The following PTAFR variants were observed in gnomAD, a reference collection of about 807,000 sequenced individuals.
PTAFR encodes the protein platelet activating factor receptor, also known as platelet-activating factor receptor.
A neutral mutation model predicts 14.7 loss-of-function variants in PTAFR; 8 were observed. The ratio of observed to expected loss-of-function variants is 0.54; its 90% CI spans 0.32 to 0.98. The LOEUF is 0.98. PTAFR is among the 50% of genes least tolerant of loss of function. The pLI is 0.04. For missense variants in PTAFR, 337 were observed against 451.2 expected (o/e 0.75, Z 2.29); for synonymous variants, 156 against 176.5 (o/e 0.88, Z 0.92).
intron 1 of PTAFR, among the ~76,000 whole-genome samples, chr1:28,173,818 C>T (rs533286944): frequency 1.3e-5 from 2 of 152,174 alleles, no homozygotes; most frequent in East Asian, 3.9e-4. Context: ...CCTCCCCCTG[C>T]ATATTCTGTC....
rs928602946 is a variant in PTAFR, at chr1:28,150,051, G to A, written c.971C>T (p.Thr324Met). ...SRKCSRATTDTVTEVVVPFNQ... is the reference protein window; with the variant it reads ...SRKCSRATTDMVTEVVVPFNQ... ...GAATGGCACAACCACTTCAGTGACC[G>A]TATCCGTGGTGGCCCGGGAGCATTT... Residue 324 changes from threonine (T) to methionine (M), a missense_variant, in exon 2 of 2, where the codon ACG becomes ATG. Physicochemically the swap from Thr to Met is moderately conservative, Grantham distance 81. Coordinates refer to ENST00000373857, the MANE Select transcript of PTAFR (RefSeq NM_000952.5). The surrounding 1 kb of genome is among the most constrained non-coding windows in gnomAD (Gnocchi z 6.3). 1.3e-5 allele frequency: 21 copies of A among 1,614,068 alleles called. No homozygotes were observed. The highest frequency in any genetic ancestry group is 6.7e-5 in the African/African-American group (5 of 74,932).
chr1:28,150,267 T>C lies in PTAFR; in HGVS notation c.755A>G (p.Gln252Arg). ...CAGCTCAGCAAGGGTCCAGGGCAGC[T>C]GCACCACGTGGTGGGGCACGAAGCA... ...IICFVPHHVVQLPWTLAELGF... is the reference protein window; with the variant it reads ...IICFVPHHVVRLPWTLAELGF... Residue 252 changes from glutamine to arginine, a missense_variant, in exon 2 of 2, where the codon CAG becomes CGG. Gln to Arg is a conservative substitution (Grantham distance 43, BLOSUM62 1). Transcript: ENST00000373857. The surrounding 1 kb of genome is among the most constrained non-coding windows in gnomAD (Gnocchi z 6.3). The C allele has an allele frequency of 6.2e-7, 1 of 1,612,444 alleles. No individual in the cohort carries two copies. The highest frequency in any genetic ancestry group is 8.5e-7 in the Non-Finnish European group (1 of 1,178,710).
At chr1:28,160,809 C>T (rs959343650) in intron 1 of PTAFR, among the ~76,000 whole-genome samples, 3 of 152,054 alleles carry the variant, frequency 2.0e-5, no homozygotes, top group Non-Finnish European at 2.9e-5. Context: ...GACTCAAACC[C>T]GTTGGTGCCA....
intron 1 of PTAFR, among the ~76,000 whole-genome samples, chr1:28,167,649 T>A (rs1055081875): frequency 7.3e-6 from 1 of 137,584 alleles, no homozygotes; most frequent in Non-Finnish European, 1.6e-5. Context: ...TTTTTTTTTT[T>A]TTTTTTTTTT....
chr1:28,162,157 T>C (rs1646330519), intron 1 of PTAFR, among the ~76,000 whole-genome samples: 1 of 152,158 alleles, frequency 6.6e-6, no homozygotes, highest in African/African-American at 2.4e-5. Flanking sequence ...GCAAGTAACA[T>C]GATCGGACTC....
At chr1:28,151,888 TTTTC>T (rs1646193535) in intron 1 of PTAFR, among the ~76,000 whole-genome samples, 3 of 152,016 alleles carry the variant, frequency 2.0e-5, no homozygotes, top group South Asian at 2.1e-4. Context: ...TTTTCTCTTC[TTTTC>T]TTTGTTTTTT....
At chr1:28,151,183 C>CTT (rs375423491) in intron 1 of PTAFR, 124 bp from the exon 2 acceptor site, 210 of 489,928 alleles carry the variant, frequency 4.3e-4, no homozygotes, top group Middle Eastern at 1.1e-3. Context: ...CATGTTGAAT[C>CTT]TTTTTTTTTT....
chr1:28,177,428 G>A (rs540876542), upstream of PTAFR, among the ~76,000 whole-genome samples: 23 of 152,148 alleles, frequency 1.5e-4, no homozygotes, highest in Middle Eastern at 6.8e-3. Flanking sequence ...CCCTGAGACC[G>A]TGTTTTGTAG....
chr1:28,153,298 T>A (rs1224758426), intron 1 of PTAFR, among the ~76,000 whole-genome samples: 1 of 152,150 alleles, frequency 6.6e-6, no homozygotes, highest in Admixed American at 6.5e-5. Context: ...TTCCTCCCAC[T>A]ATTGCTGTCA....
chr1:28,193,805 C>G (rs766065808), exon 1 of PTAFR: 1 of 153,022 alleles, frequency 6.5e-6, no homozygotes, highest in South Asian at 2.1e-4. Flanking sequence ...GTTTCCTGGA[C>G]GGCTTCTCGG....
chr1:28,164,523 G>A (rs1646360923), intron 1 of PTAFR, among the ~76,000 whole-genome samples: 1 of 152,112 alleles, frequency 6.6e-6, no homozygotes, highest in South Asian at 2.1e-4. Flanking sequence ...ACCATTTACT[G>A]GTATACAGTA....
chr1:28,171,014 TAATA>T (rs917131587), intron 1 of PTAFR, among the ~76,000 whole-genome samples: 2 of 148,150 alleles, frequency 1.3e-5, no homozygotes, highest in South Asian at 2.1e-4. Flanking sequence ...TAAATAAAAA[TAATA>T]AATAAATAAT....
At chr1:28,192,581 T>C (rs1572053890) in intron 1 of PTAFR, among the ~76,000 whole-genome samples, 1 of 147,534 alleles carries the variant, frequency 6.8e-6, no homozygotes, top group Non-Finnish European at 1.5e-5. Flanking sequence ...AAAAAAAAGA[T>C]AATGTTTGTA....
chr1:28,148,324 C>G lies in PTAFR; in HGVS notation c.*1669G>C, dbSNP rs1449418481. The stretch of plus-strand genomic sequence containing the variant: ...AACTGCTCCTCCCACCTCCTGGAAG[C>G]TATGTTAGGAGGACCCTCCCAGAGG... On this transcript the variant is annotated 3_prime_UTR_variant, in exon 2 of 2. Coordinates refer to ENST00000373857, the MANE Select transcript of PTAFR (RefSeq NM_000952.5). 6.6e-6 allele frequency: 1 copy of G among 152,238 alleles called. No homozygotes were observed. Among genetic ancestry groups the G allele is most frequent in the Non-Finnish European group, 1.5e-5 (1 of 68,064 alleles). 9.4% of individuals were successfully genotyped at this position (152,238 alleles called of 1,614,324 possible).
chr1:28,150,609 G>A lies in PTAFR; in HGVS notation c.413C>T (p.Ser138Phe), dbSNP rs1646172926. Reference sequence around the variant, plus strand: ...CACAATGGCCACCCAGATGACCAAGGACAAAGAGATGCCACGCTTGCGGGT... The same window carrying A: ...CACAATGGCCACCCAGATGACCAAGAACAAAGAGATGCCACGCTTGCGGGT... ...ANTRKRGISL[S>F]LVIWVAIVGA... Residue 138 changes from serine (S) to phenylalanine (F), a missense_variant, in exon 2 of 2, where the codon TCC becomes TTC. Transcript: ENST00000373857. This position sits in a 1 kb window ranked among gnomAD's most constrained non-coding sequence, Gnocchi z 6.3. The A allele has an allele frequency of 6.2e-7, 1 of 1,614,078 alleles. No individual in the cohort carries two copies. The highest frequency in any genetic ancestry group is 8.5e-7 in the Non-Finnish European group (1 of 1,180,056).
In PTAFR at chr1:28,182,749, C is replaced by T. The variant is rs143610037; in HGVS notation, c.-39+10973G>A. ...AGGCTGGAGCGCAACGGCACGATCT[C>T]GGCTCCCTGCAACCTCCGCCTCCCG... On this transcript the variant is annotated intron_variant, in intron 1 of 1. Transcript: ENST00000305392. Among the ~76,000 whole-genome samples the T allele has an allele frequency of 1.7e-3, 262 of 152,242 alleles. 1 individual carries two copies. The highest frequency in any genetic ancestry group is 5.6e-3 in the African/African-American group (234 of 41,542).
At chr1:28,155,211 T>A (rs1377598911) in intron 1 of PTAFR, among the ~76,000 whole-genome samples, 1 of 152,112 alleles carries the variant, frequency 6.6e-6, no homozygotes, top group East Asian at 1.9e-4. Flanking sequence ...TCCGCTTTCC[T>A]TTTTTGTTGT....
chr1:28,184,556 C>T (rs1557698611), intron 1 of PTAFR, among the ~76,000 whole-genome samples: 1 of 152,196 alleles, frequency 6.6e-6, no homozygotes, highest in Non-Finnish European at 1.5e-5. Context: ...TCATCTCCTA[C>T]ATCTCGCTCC....
rs1449547287 is a variant in PTAFR, at chr1:28,149,650, A to G, written c.*343T>C. 3.8e-6 allele frequency: 1 copy of G among 261,784 alleles called. No individual in the cohort carries two copies. Among genetic ancestry groups the G allele is most frequent in the African/African-American group, 2.2e-5 (1 of 45,384 alleles). The allele number at this position is 261,784 out of a possible 1,614,324, so 16.2% of individuals were successfully genotyped here. A position where few individuals can be genotyped will look rare whatever the true frequency, so the allele number is the denominator to read the frequency against. ...CCCACTCCCCCAAAGCTTTAGACCG[A>G]TGCCCCATCGGGGAGAACTAGGTGG... On this transcript the variant is annotated 3_prime_UTR_variant, in exon 2 of 2. Coordinates refer to ENST00000373857, the MANE Select transcript of PTAFR (RefSeq NM_000952.5).
Sources: allele counts gnomAD v4.1 joint callset (sites outside exome capture counted in the v4.1 genomes callset), GRCh38; gene constraint gnomAD v4.1.1; non-coding constraint Gnocchi (gnomAD v3.1); transcripts MANE v1.5; gene names NCBI Gene and HGNC (gene_info 2026-07-23, HGNC 2026-07-21).